Variants in UBE4B observed in about 807,000 individuals in gnomAD.
UBE4B encodes ubiquitin conjugation factor E4 B.
In UBE4B, 27 loss-of-function variants were observed where a neutral mutation model predicts 148.1. The observed-to-expected ratio is 0.18, with a 90% CI of 0.13 to 0.25. The LOEUF (loss-of-function observed/expected upper bound fraction) is 0.25, where lower values mean the gene tolerates loss of function less well. Among genes scored for constraint, UBE4B ranks in the 10% least tolerant of loss-of-function variants. UBE4B has a pLI of 1.00. For synonymous variants in UBE4B, 596 were observed against 619.3 expected (o/e 0.96, Z 0.56); for missense variants, 1,170 against 1,662.4 (o/e 0.70, Z 5.15).
At chr1:10,083,836 G>A (rs937947442) in intron 2 of UBE4B, among the ~76,000 whole-genome samples, 5 of 152,164 alleles carry the variant, frequency 3.3e-5, no homozygotes, top group Admixed American at 2.6e-4. Context: ...GGCCCCCAAA[G>A]GGGTATGTTT....
chr1:10,069,797 G>A (rs1260368113), intron 1 of UBE4B, among the ~76,000 whole-genome samples: 1 of 152,012 alleles, frequency 6.6e-6, no homozygotes, highest in South Asian at 2.1e-4. Flanking sequence ...GACTCCCCTC[G>A]GCCGATGATT....
intron 25 of UBE4B, among the ~76,000 whole-genome samples, chr1:10,175,617 C>G (rs565567142): frequency 4.6e-5 from 7 of 152,080 alleles, no homozygotes; most frequent in African/African-American, 7.2e-5. Flanking sequence ...CGCCACTGCA[C>G]TCCAGCCTGG....
rs1288313788 is a variant in UBE4B, at chr1:10,151,518, C to G, written c.2883C>G (p.Leu961=). The G allele has an allele frequency of 1.2e-6, 2 of 1,614,034 alleles. No homozygotes were observed. Among genetic ancestry groups the G allele is most frequent in the Non-Finnish European group, 1.7e-6 (2 of 1,180,026 alleles). Residue 961 remains leucine, a synonymous_variant, in exon 21 of 28, where the codon CTC becomes CTG. Coordinates refer to ENST00000343090, the MANE Select transcript of UBE4B (RefSeq NM_001105562.3). ...KFFEMIENHP[L]STKLLVPSLM... ...TTGAAATGATTGAGAACCATCCTCTCTCCACCAAGTTGTTGGTACCTTCCC... is the reference window on the plus strand; with the variant it reads ...TTGAAATGATTGAGAACCATCCTCTGTCCACCAAGTTGTTGGTACCTTCCC...
intron 2 of UBE4B, 76 bp downstream of exon 2, chr1:10,072,290 T>C (rs1390930880): frequency 1.5e-5 from 22 of 1,512,128 alleles, no homozygotes; most frequent in Non-Finnish European, 2.0e-5. Context: ...TTGTGATGTT[T>C]CCAGAACAGA....
chr1:10,114,078 A>AG (rs1331100136), intron 7 of UBE4B, among the ~76,000 whole-genome samples: 2 of 148,218 alleles, frequency 1.3e-5, no homozygotes, highest in African/African-American at 5.1e-5. Context: ...AAAAAAAAAA[A>AG]GAAAAAAAAA....
chr1:10,044,282 T>C (rs996232975), intron 1 of UBE4B, among the ~76,000 whole-genome samples: 2 of 151,998 alleles, frequency 1.3e-5, no homozygotes, highest in East Asian at 3.9e-4. Context: ...CTTGAACTCC[T>C]GACCTCAAAT....
At position 10,118,512 on chromosome 1, in the gene UBE4B, T is replaced by G. The variant is rs548806644; in HGVS notation, c.1338+912T>G. On this transcript the variant is annotated intron_variant, in intron 8 of 27. Transcript: ENST00000343090. ...GCCACCACACCCAGCTAATTTTTTT[T>G]TTTTCTTTTGAGACGGAGTTTCACT... Among the ~76,000 whole-genome samples, 5 of 151,668 alleles carry G rather than the reference T, an allele frequency of 3.3e-5. No individual in the cohort carries two copies. The East Asian group carries it at 9.7e-4, about 29-fold the overall frequency.
At chr1:10,163,046 C>G (rs1169989133) in intron 23 of UBE4B, among the ~76,000 whole-genome samples, 1 of 151,994 alleles carries the variant, frequency 6.6e-6, no homozygotes, top group African/African-American at 2.4e-5. Flanking sequence ...ATTTTATTTA[C>G]TTATTTGTTT....
chr1:10,132,720 A>G (rs902068749), intron 15 of UBE4B, among the ~76,000 whole-genome samples: 4 of 152,300 alleles, frequency 2.6e-5, no homozygotes, highest in Middle Eastern at 6.8e-3. Flanking sequence ...ATGACATGAG[A>G]AGAACTGTAG....
rs755529832 is a variant in UBE4B at position 10,102,986 on chromosome 1, C to G, written c.474C>G (p.Ala158=). Residue 158 remains alanine (A), a synonymous_variant, in exon 5 of 28, where the codon GCC becomes GCG. Transcript: ENST00000343090. The stretch of plus-strand genomic sequence containing the variant: ...GCCCTGAAGTGTCTGAAGAGCAGGC[C>G]TTACAGCTGGTCTGTAAGATCTTCC... The part of the protein sequence containing the change: ...SSGPEVSEEQ[A]LQLVCKIFRV... 2 of 1,613,690 alleles carry G rather than the reference C, an allele frequency of 1.2e-6. No individual in the cohort carries two copies. Among genetic ancestry groups the G allele is most frequent in the Non-Finnish European group, 1.7e-6 (2 of 1,179,822 alleles).
intron 2 of UBE4B, among the ~76,000 whole-genome samples, chr1:10,079,456 G>A (rs561980164): frequency 3.9e-5 from 6 of 152,138 alleles, no homozygotes; most frequent in East Asian, 3.9e-4. Flanking sequence ...CACCGCACCC[G>A]ACCTCAAAAT....
intron 2 of UBE4B, among the ~76,000 whole-genome samples, chr1:10,083,508 A>G (rs1295411649): frequency 2.0e-5 from 3 of 152,242 alleles, no homozygotes. Flanking sequence ...TGCTATCCAC[A>G]ATGACAATGA....
intron 2 of UBE4B, among the ~76,000 whole-genome samples, chr1:10,081,610 TG>T (rs1327736841): frequency 6.6e-6 from 1 of 151,104 alleles, no homozygotes; most frequent in African/African-American, 2.4e-5. Flanking sequence ...TTGTTTGAGT[TG>T]GAGTTTCGCT....
At chr1:10,071,894 C>G in intron 1 of UBE4B, 134 bp from the exon 2 acceptor site, 1 of 833,682 alleles carries the variant, frequency 1.2e-6, no homozygotes, top group Non-Finnish European at 1.7e-6. Context: ...GCGAGTTATT[C>G]TCTCAGAAGA....
chr1:10,170,802 T>G (rs1157015746), intron 24 of UBE4B, among the ~76,000 whole-genome samples: 1 of 152,216 alleles, frequency 6.6e-6, no homozygotes, highest in Non-Finnish European at 1.5e-5. Flanking sequence ...ATTTGTATAA[T>G]TTTCTCTCTT....
chr1:10,112,225 A>G lies in UBE4B; in HGVS notation c.1197-5234A>G, dbSNP rs538145891. 2.6e-5 allele frequency among the ~76,000 whole-genome samples: 4 copies of G among 152,310 alleles called. No homozygotes were observed. The South Asian group carries it at 8.3e-4, about 32-fold the overall frequency. ...TGGACTGCTAATGTAGTTATCAGAA[A>G]GTGGTTTGCATATTCTCCCAGAGGG... On this transcript the variant is annotated intron_variant, in intron 7 of 27. Transcript: ENST00000343090.
chr1:10,128,159 A>G (rs1645532306), intron 11 of UBE4B, among the ~76,000 whole-genome samples: 1 of 152,156 alleles, frequency 6.6e-6, no homozygotes, highest in African/African-American at 2.4e-5. Flanking sequence ...TTATCACCAT[A>G]TTATGTAGAT....
At chr1:10,066,367 G>A (rs1644388622) in intron 1 of UBE4B, among the ~76,000 whole-genome samples, 1 of 151,688 alleles carries the variant, frequency 6.6e-6, no homozygotes, top group Non-Finnish European at 1.5e-5. Context: ...GGGCTCAAGT[G>A]ATCCCCCTGC....
intron 4 of UBE4B, among the ~76,000 whole-genome samples, chr1:10,102,304 C>T (rs1340151869): frequency 1.3e-5 from 2 of 149,772 alleles, no homozygotes; most frequent in Non-Finnish European, 3.0e-5. Context: ...TAACCTGGTC[C>T]TATGGAATTC....
Sources: gnomAD v4.1 joint callset for allele counts (sites outside exome capture counted in the v4.1 genomes callset) on GRCh38, gnomAD v4.1.1 for gene constraint, MANE v1.5 for transcripts, NCBI Gene and HGNC (gene_info 2026-07-23, HGNC 2026-07-21) for gene names.